CLDN16: variants seen among roughly 807,000 people sequenced by gnomAD.
CLDN16 encodes claudin 16, also known as claudin-16.
Under a neutral mutation model 24.6 loss-of-function variants are expected in CLDN16, and 13 were observed. The ratio of observed to expected loss-of-function variants is 0.53; its 90% CI spans 0.34 to 0.84. The LOEUF (loss-of-function observed/expected upper bound fraction) is 0.84. CLDN16 is among the 40% of genes least tolerant of loss of function. The pLI is 0.01. For synonymous variants in CLDN16, 116 were observed against 106.7 expected, an observed-to-expected ratio of 1.09 and a Z score of -0.54; for missense variants, 298 against 292.7, an observed-to-expected ratio of 1.02 and a Z score of -0.13.
chr3:190,338,132 C>T (rs561748270), intron 1 of CLDN16, among the ~76,000 whole-genome samples: 2 of 152,264 alleles, frequency 1.3e-5, no homozygotes, highest in African/African-American at 2.4e-5. Context: ...CCCTACTTCA[C>T]CGCCACTCCA....
At chr3:190,303,080 T>G in the CLDN16 span, among the ~76,000 whole-genome samples, 1 of 152,122 alleles carries the variant, frequency 6.6e-6, no homozygotes, top group Middle Eastern at 3.2e-3. Flanking sequence ...TCTTCATTAA[T>G]AAGTTTTAAT....
chr3:190,355,287 T>A (rs1381993530), intron 1 of CLDN16, among the ~76,000 whole-genome samples: 2 of 151,948 alleles, frequency 1.3e-5, no homozygotes, highest in African/African-American at 2.4e-5. Flanking sequence ...TTTGTTTTTT[T>A]AATATATTCT....
chr3:190,400,109 A>G (rs977086222), intron 1 of CLDN16, among the ~76,000 whole-genome samples: 4 of 152,166 alleles, frequency 2.6e-5, no homozygotes, highest in Non-Finnish European at 5.9e-5. Flanking sequence ...GACCACTGGT[A>G]TAGAACACTG....
chr3:190,385,775 TTGTC>T (rs532335756), upstream of CLDN16, among the ~76,000 whole-genome samples: 9 of 152,328 alleles, frequency 5.9e-5, no homozygotes, highest in South Asian at 1.9e-3. Context: ...TTCTAAAACT[TTGTC>T]TGTGATTTGT....
At chr3:190,366,799 A>G (rs1718034957) in intron 1 of CLDN16, among the ~76,000 whole-genome samples, 1 of 151,898 alleles carries the variant, frequency 6.6e-6, no homozygotes, top group Non-Finnish European at 1.5e-5. Context: ...CAGTCGCTAG[A>G]GAGGATCTCA....
At chr3:190,295,700 T>C in the CLDN16 span, among the ~76,000 whole-genome samples, 1 of 152,218 alleles carries the variant, frequency 6.6e-6, no homozygotes, top group African/African-American at 2.4e-5. Flanking sequence ...ACTCTTCTTT[T>C]TTACAGGCCT....
At chr3:190,345,599 G>A (rs993574402) in intron 1 of CLDN16, among the ~76,000 whole-genome samples, 4 of 152,108 alleles carry the variant, frequency 2.6e-5, no homozygotes, top group Admixed American at 6.6e-5. Flanking sequence ...ATCATAAGCA[G>A]CATAATGCTC....
upstream of CLDN16, among the ~76,000 whole-genome samples, chr3:190,318,609 C>CA (rs1438123138): frequency 1.3e-5 from 2 of 152,202 alleles, no homozygotes; most frequent in Admixed American, 1.3e-4. Context: ...TACTTAGTGC[C>CA]AAACCACAGT....
At chr3:190,384,630 A>T (rs1560092524), upstream of CLDN16, among the ~76,000 whole-genome samples, 1 of 152,182 alleles carries the variant, frequency 6.6e-6, no homozygotes, top group Non-Finnish European at 1.5e-5. Context: ...AGCTGCAAAG[A>T]TGATTAGGAC....
At chr3:190,345,032 G>C (rs146913320) in intron 1 of CLDN16, among the ~76,000 whole-genome samples, 1 of 152,134 alleles carries the variant, frequency 6.6e-6, no homozygotes. Flanking sequence ...TAATACCAAT[G>C]TTAACACTGA....
At position 190,410,048 on chromosome 3, in the gene CLDN16, C is replaced by T. The variant is rs776656418; in HGVS notation, c.*12C>T. The T allele has an allele frequency of 1.3e-5, 21 of 1,613,912 alleles. 1 individual carries two copies. In the South Asian group the frequency reaches 1.8e-4, roughly 14 times the overall value. On this transcript the variant is annotated 3_prime_UTR_variant, in exon 5 of 5. Coordinates refer to ENST00000264734, the MANE Select transcript of CLDN16 (RefSeq NM_006580.4). ...ACACAAGGGTGTAAAATGCACGTTT[C>T]AGGGTGTGTTTGCATATGATTTAAT...
chr3:190,397,709 C>T (rs573757318), intron 1 of CLDN16, among the ~76,000 whole-genome samples: 2 of 152,296 alleles, frequency 1.3e-5, no homozygotes, highest in South Asian at 4.1e-4. Context: ...ACTATTCTCA[C>T]GTACCTTAAC....
In CLDN16 at chr3:190,337,891, C is replaced by T. The variant is rs150166470; in HGVS notation, n.121+15230C>T. On this transcript the variant is annotated intron_variant and non_coding_transcript_variant, in intron 1 of 4. Transcript: ENST00000468220. ...AGTGGGAACATGGCAAAGATATCCC[C>T]TGATCCTATGATACATTGAATCAAT... Among the ~76,000 whole-genome samples, 208 of 152,298 alleles carry T rather than the reference C, an allele frequency of 1.4e-3. 1 individual carries two copies. The highest frequency in any genetic ancestry group is 3.9e-3 in the African/African-American group (162 of 41,542).
chr3:190,298,377 C>T, the CLDN16 span, among the ~76,000 whole-genome samples: 10 of 95,490 alleles, frequency 1.0e-4, no homozygotes, highest in East Asian at 1.6e-3. Flanking sequence ...ACACACACAC[C>T]TTAACAATGT....
chr3:190,386,593 T>C (rs1340238761), upstream of CLDN16, among the ~76,000 whole-genome samples: 1 of 152,194 alleles, frequency 6.6e-6, no homozygotes, highest in African/African-American at 2.4e-5. Flanking sequence ...ATCACGCTAT[T>C]CAGAACAGTG....
At chr3:190,308,498 T>C in the CLDN16 span, 5 of 1,503,988 alleles carry the variant, frequency 3.3e-6, no homozygotes, top group Non-Finnish European at 4.6e-6. Context: ...TTTTCTAATA[T>C]AATAAAAGGA....
At chr3:190,299,594 T>C in the CLDN16 span, among the ~76,000 whole-genome samples, 7 of 152,296 alleles carry the variant, frequency 4.6e-5, no homozygotes, top group East Asian at 1.4e-3. Context: ...AAGTAATTTT[T>C]GTGTATGGTA....
At chr3:190,346,650 C>T (rs774581852) in intron 1 of CLDN16, among the ~76,000 whole-genome samples, 5 of 152,164 alleles carry the variant, frequency 3.3e-5, no homozygotes, top group African/African-American at 9.7e-5. Flanking sequence ...GGAGCCCAGA[C>T]GTCTGAGATC....
intron 1 of CLDN16, among the ~76,000 whole-genome samples, chr3:190,324,351 T>C (rs1717011324): frequency 6.6e-6 from 1 of 151,952 alleles, no homozygotes; most frequent in Non-Finnish European, 1.5e-5. Flanking sequence ...GGCATGGTGG[T>C]GGGCGCCTGT....
Sources: allele counts gnomAD v4.1 joint callset (sites outside exome capture counted in the v4.1 genomes callset), GRCh38; gene constraint gnomAD v4.1.1; transcripts MANE v1.5; gene names NCBI Gene and HGNC (gene_info 2026-07-23, HGNC 2026-07-21).